The following PDE3A variants were observed in gnomAD, a reference collection of about 807,000 sequenced individuals.
PDE3A encodes the protein cGMP-inhibited 3',5'-cyclic phosphodiesterase 3A.
In PDE3A, 43 loss-of-function variants were observed where a neutral mutation model predicts 98.3. The ratio of observed to expected loss-of-function variants is 0.44; its 90% CI spans 0.34 to 0.56. The LOEUF is 0.56. PDE3A is among the 20% of genes least tolerant of loss of function. The probability of loss-of-function intolerance (pLI) is 0.01; values close to 1 mark genes in which losing one functional copy is unlikely to be tolerated. For synonymous variants in PDE3A, 663 were observed against 567.9 expected, an observed-to-expected ratio of 1.17 and a Z score of -2.38; for missense variants, 1,427 against 1,440.7, an observed-to-expected ratio of 0.99 and a Z score of 0.15.
rs961244005 is a variant in PDE3A at position 20,682,470 on chromosome 12, A to C, written c.*2199A>C. 1 of 152,202 alleles carries C rather than the reference A, an allele frequency of 6.6e-6. No individual in the cohort carries two copies. The highest frequency in any genetic ancestry group is 2.4e-5 in the African/African-American group (1 of 41,464). The allele number at this position is 152,202 out of a possible 1,614,324, so 9.4% of individuals were successfully genotyped here. On this transcript the variant is annotated 3_prime_UTR_variant, in exon 16 of 16. Coordinates refer to ENST00000359062, the MANE Select transcript of PDE3A (RefSeq NM_000921.5). The stretch of plus-strand genomic sequence containing the variant: ...ATAAGGCAAAGATAATACGACAAAA[A>C]ATATACATGGTTTCAAGGCAAATTC...
chr12:20,379,275 T>G (rs1455717025), intron 1 of PDE3A, among the ~76,000 whole-genome samples: 2 of 151,850 alleles, frequency 1.3e-5, no homozygotes, highest in Non-Finnish European at 2.9e-5. Flanking sequence ...GTTTTTATTT[T>G]TATCGTATTT....
intron 2 of PDE3A, among the ~76,000 whole-genome samples, chr12:20,588,571 A>G (rs936708384): frequency 6.6e-6 from 1 of 152,212 alleles, no homozygotes; most frequent in Non-Finnish European, 1.5e-5. Flanking sequence ...ACAAAAATGC[A>G]GATTCCGTGA....
rs190488094 is a variant in PDE3A, at chr12:20,547,336, A to C, written c.961-9324A>C. 4.6e-5 allele frequency among the ~76,000 whole-genome samples: 7 copies of C among 152,236 alleles called. No individual in the cohort carries two copies. In the East Asian group the frequency reaches 1.4e-3, roughly 29 times the overall value. On this transcript the variant is annotated intron_variant, in intron 1 of 15. Transcript: ENST00000359062. ...TCTGTGTTTATCTTCTTCCTTCACT[A>C]AAATATAATAGCCAGGAGGCAGAGA...
chr12:20,545,783 A>AAAC, intron 1 of PDE3A, among the ~76,000 whole-genome samples: 1 of 79,904 alleles, frequency 1.3e-5, no homozygotes, highest in East Asian at 8.9e-4. Flanking sequence ...CTGCCAAAAA[A>AAAC]AAAAAAACAA....
intron 1 of PDE3A, among the ~76,000 whole-genome samples, chr12:20,509,335 T>C (rs1350657018): frequency 6.6e-6 from 1 of 151,640 alleles, no homozygotes; most frequent in East Asian, 1.9e-4. Flanking sequence ...GCCTTTCCTT[T>C]AGTGTTCTGG....
At chr12:20,371,693 A>G (rs994996624) in intron 1 of PDE3A, among the ~76,000 whole-genome samples, 11 of 152,192 alleles carry the variant, frequency 7.2e-5, no homozygotes, top group African/African-American at 2.7e-4. Context: ...TCGATAAAAC[A>G]AATGTTTCTT....
At chr12:20,660,990 G>A (rs1945156451) in intron 15 of PDE3A, among the ~76,000 whole-genome samples, 2 of 152,180 alleles carry the variant, frequency 1.3e-5, no homozygotes, top group South Asian at 2.1e-4. Context: ...GAAAATGTGA[G>A]AAAGTTAGTT....
intron 8 of PDE3A, among the ~76,000 whole-genome samples, 158 bp from the exon 9 acceptor site, chr12:20,636,942 G>C (rs75695742): frequency 6.6e-6 from 1 of 152,044 alleles, no homozygotes; most frequent in Non-Finnish European, 1.5e-5. Flanking sequence ...TCAATGTCTC[G>C]TTCATGTTGA....
chr12:20,638,890 G>A (rs1944581229), intron 9 of PDE3A, among the ~76,000 whole-genome samples: 1 of 151,892 alleles, frequency 6.6e-6, no homozygotes, highest in Non-Finnish European at 1.5e-5. Flanking sequence ...TATAGAAGAA[G>A]AAACTAAGGC....
At chr12:20,434,759 A>G (rs1446550700) in intron 1 of PDE3A, among the ~76,000 whole-genome samples, 1 of 152,198 alleles carries the variant, frequency 6.6e-6, no homozygotes, top group African/African-American at 2.4e-5. Context: ...TGAAAACAGT[A>G]TGAGCCTTGG....
At chr12:20,663,721 T>G (rs1945237778) in intron 15 of PDE3A, among the ~76,000 whole-genome samples, 1 of 152,222 alleles carries the variant, frequency 6.6e-6, no homozygotes, top group South Asian at 2.1e-4. Flanking sequence ...GCTTTTGATT[T>G]TGCAGGTTTA....
intron 2 of PDE3A, among the ~76,000 whole-genome samples, chr12:20,604,739 A>ATAT (rs1299745972): frequency 5.9e-5 from 9 of 152,152 alleles, no homozygotes; most frequent in Non-Finnish European, 8.8e-5. Flanking sequence ...TTCTAGTAAT[A>ATAT]TATTTTAACT....
At chr12:20,424,413 C>A (rs986941259) in intron 1 of PDE3A, among the ~76,000 whole-genome samples, 14 of 148,182 alleles carry the variant, frequency 9.4e-5, no homozygotes, top group African/African-American at 3.5e-4. Context: ...AAAAATTTTT[C>A]TATAGATACA....
intron 5 of PDE3A, among the ~76,000 whole-genome samples, chr12:20,623,037 A>G (rs1057100558): frequency 1.3e-5 from 2 of 152,162 alleles, no homozygotes; most frequent in African/African-American, 4.8e-5. Flanking sequence ...GAAAAATAAT[A>G]GCAATGAGAA....
intron 1 of PDE3A, among the ~76,000 whole-genome samples, chr12:20,440,894 A>G (rs1397009169): frequency 7.0e-6 from 1 of 142,270 alleles, no homozygotes; most frequent in Non-Finnish European, 1.5e-5. Context: ...GACTTCACCT[A>G]TCTCACCTTT....
chr12:20,441,967 C>T (rs1944877185), intron 1 of PDE3A, among the ~76,000 whole-genome samples: 1 of 152,208 alleles, frequency 6.6e-6, no homozygotes, highest in African/African-American at 2.4e-5. Context: ...TCTCTGAAAT[C>T]TCCTTGCTGT....
intron 1 of PDE3A, among the ~76,000 whole-genome samples, chr12:20,373,023 AC>A (rs1353688963): frequency 6.6e-6 from 1 of 152,136 alleles, no homozygotes; most frequent in Admixed American, 6.5e-5. Flanking sequence ...ATTGACAGAT[AC>A]ATTTTTCTCT....
intron 1 of PDE3A, among the ~76,000 whole-genome samples, chr12:20,549,651 A>G (rs1479428443): frequency 6.6e-6 from 1 of 152,078 alleles, no homozygotes; most frequent in Non-Finnish European, 1.5e-5. Flanking sequence ...ATTTTTTATT[A>G]CTTTGAAAAA....
In PDE3A at chr12:20,428,812, C is replaced by G. The variant is rs374033856; in HGVS notation, c.960+58568C>G. Among the ~76,000 whole-genome samples the G allele has an allele frequency of 1.8e-4, 28 of 152,094 alleles. 1 individual carries two copies. The highest frequency in any genetic ancestry group is 1.5e-5 in the Non-Finnish European group (1 of 68,006). ...GTCAAAAAAGGACAATGTATAAATG[C>G]GTACCACTATGATTGATAGTTGTGT... is the stretch of plus-strand genomic sequence containing the variant. On this transcript the variant is annotated intron_variant, in intron 1 of 15. Transcript: ENST00000359062.
Sources: gnomAD v4.1 joint callset for allele counts (sites outside exome capture counted in the v4.1 genomes callset) on GRCh38, gnomAD v4.1.1 for gene constraint, MANE v1.5 for transcripts, NCBI Gene and HGNC (gene_info 2026-07-23, HGNC 2026-07-21) for gene names.